ESRRG: variants seen among roughly 807,000 people sequenced by gnomAD.
ESRRG encodes the protein estrogen related receptor gamma.
In ESRRG, 13 loss-of-function variants were observed where a neutral mutation model predicts 44.0. The ratio of observed to expected loss-of-function variants is 0.30; its 90% CI spans 0.19 to 0.47. The LOEUF (loss-of-function observed/expected upper bound fraction) is 0.47, where lower values mean the gene tolerates loss of function less well. Among genes scored for constraint, ESRRG ranks in the 20% least tolerant of loss-of-function variants. The probability of loss-of-function intolerance (pLI) is 1.00; values close to 1 mark genes in which losing one functional copy is unlikely to be tolerated. For missense variants in ESRRG, 395 were observed against 580.6 expected (o/e 0.68, Z 3.29); for synonymous variants, 215 against 214.6 (o/e 1.00, Z -0.02).
At chr1:217,000,741 A>G (rs973557388) in intron 1 of ESRRG, 3 of 152,270 alleles carry the variant, frequency 2.0e-5, no homozygotes, top group Admixed American at 2.0e-4. Context: ...ACCCACAGAA[A>G]AAAGACAAGA....
rs898668611 is a variant in ESRRG, at chr1:217,074,411, A to T, written c.-106+15096T>A. Among the ~76,000 whole-genome samples, 6 of 147,542 alleles carry T rather than the reference A, an allele frequency of 4.1e-5. 1 individual carries two copies. In the East Asian group the frequency reaches 1.2e-3, roughly 31 times the overall value. ...CAATAGAATTACACATAAAATGTGC[A>T]TTTAGCCTCAATACCCACAGTATCA... On this transcript the variant is annotated intron_variant, in intron 1 of 7. Coordinates refer to the ESRRG transcript ENST00000359162.
chr1:216,780,376 T>C (rs945832500), intron 2 of ESRRG, among the ~76,000 whole-genome samples: 8 of 152,042 alleles, frequency 5.3e-5, no homozygotes, highest in Non-Finnish European at 1.2e-4. Flanking sequence ...ACAGAAGTTA[T>C]CAGGATGGAC....
chr1:216,682,978 C>T (rs554259470), intron 1 of ESRRG, among the ~76,000 whole-genome samples: 2 of 152,154 alleles, frequency 1.3e-5, no homozygotes, highest in South Asian at 2.1e-4. Flanking sequence ...AATGGTGATG[C>T]TGAAGAAAGG....
intron 6 of ESRRG, among the ~76,000 whole-genome samples, chr1:216,510,154 A>C (rs778002132): frequency 9.2e-5 from 14 of 152,168 alleles, no homozygotes; most frequent in Non-Finnish European, 1.8e-4. Flanking sequence ...AAAATCTTGG[A>C]TACTGGGCCC....
At position 216,568,097 on chromosome 1, in the gene ESRRG, C is replaced by G; in HGVS notation, c.591G>C (p.Gly197=). 6.2e-6 allele frequency: 10 copies of G among 1,610,178 alleles called. No individual in the cohort carries two copies. Among genetic ancestry groups the G allele is most frequent in the African/African-American group, 1.3e-5 (1 of 74,908 alleles). The change falls in exon 4 of 7, where the codon GGG becomes GGC. Residue 197 remains glycine, a splice_region_variant and synonymous_variant. Coordinates refer to ENST00000408911, the MANE Select transcript of ESRRG (RefSeq NM_001438.4). The part of the protein sequence containing the change: ...KCLKVGMLKE[G]VRLDRVRGGR... ...CTCCACGTACTCTGTCAAGACGCACCCCTGTGAGCAAAGACAGGCACCGGC... is the reference window on the plus strand; with the variant it reads ...CTCCACGTACTCTGTCAAGACGCACGCCTGTGAGCAAAGACAGGCACCGGC...
At chr1:216,927,463 A>T (rs1178392368) in intron 2 of ESRRG, among the ~76,000 whole-genome samples, 2 of 152,120 alleles carry the variant, frequency 1.3e-5, no homozygotes, top group Non-Finnish European at 2.9e-5. Flanking sequence ...ATCCCCAAGG[A>T]TGGATCCAAG....
intron 1 of ESRRG, among the ~76,000 whole-genome samples, chr1:216,715,480 A>C (rs966109278): frequency 4.6e-5 from 7 of 152,266 alleles, no homozygotes; most frequent in Admixed American, 2.6e-4. Flanking sequence ...TCTTTTATTT[A>C]TGTGAAAATG....
At chr1:217,077,819 A>G (rs1330866730) in intron 1 of ESRRG, among the ~76,000 whole-genome samples, 1 of 152,238 alleles carries the variant, frequency 6.6e-6, no homozygotes. Flanking sequence ...TTGTTTCTCA[A>G]GATGGACATG....
At chr1:216,711,690 C>T (rs900766239) in intron 1 of ESRRG, among the ~76,000 whole-genome samples, 8 of 152,140 alleles carry the variant, frequency 5.3e-5, no homozygotes, top group Non-Finnish European at 8.8e-5. Flanking sequence ...ATACTTTATA[C>T]TTGGCAGCTC....
At chr1:216,896,963 G>A (rs1376460192) in intron 2 of ESRRG, among the ~76,000 whole-genome samples, 4 of 152,314 alleles carry the variant, frequency 2.6e-5, no homozygotes, top group South Asian at 4.1e-4. Flanking sequence ...TAGAGACCTA[G>A]AAAGAATTGC....
At chr1:216,836,268 T>C (rs1434253587) in intron 2 of ESRRG, among the ~76,000 whole-genome samples, 1 of 152,096 alleles carries the variant, frequency 6.6e-6, no homozygotes, top group Non-Finnish European at 1.5e-5. Context: ...AAACAAAAAC[T>C]TCCTTCTCCT....
intron 2 of ESRRG, among the ~76,000 whole-genome samples, chr1:216,853,000 T>G (rs2095864971): frequency 6.6e-6 from 1 of 152,204 alleles, no homozygotes; most frequent in Non-Finnish European, 1.5e-5. Flanking sequence ...TAAAAGTGCT[T>G]CTAGCCTGCA....
At chr1:217,117,768 A>C (rs1580619408) in intron 1 of ESRRG, among the ~76,000 whole-genome samples, 1 of 152,244 alleles carries the variant, frequency 6.6e-6, no homozygotes, top group Non-Finnish European at 1.5e-5. Context: ...TGAGGTCCTT[A>C]ATCTTCACTA....
intron 3 of ESRRG, among the ~76,000 whole-genome samples, chr1:216,605,348 G>A (rs912764999): frequency 6.6e-6 from 1 of 151,974 alleles, no homozygotes; most frequent in African/African-American, 2.4e-5. Flanking sequence ...GACATATGGA[G>A]CAGTTTGCAA....
At chr1:216,841,987 C>G (rs1191368151) in intron 2 of ESRRG, among the ~76,000 whole-genome samples, 2 of 151,932 alleles carry the variant, frequency 1.3e-5, no homozygotes, top group Non-Finnish European at 2.9e-5. Context: ...AAGTAACCCT[C>G]TAATATAAAA....
chr1:217,039,609 GCTC>G (rs1558066052), intron 1 of ESRRG, among the ~76,000 whole-genome samples: 1 of 152,126 alleles, frequency 6.6e-6, no homozygotes, highest in Non-Finnish European at 1.5e-5. Context: ...TCTCCCACTA[GCTC>G]CTTCCCATAA....
chr1:216,753,108 A>G (rs2092179861), intron 2 of ESRRG, among the ~76,000 whole-genome samples: 1 of 151,908 alleles, frequency 6.6e-6, no homozygotes, highest in Admixed American at 6.6e-5. Flanking sequence ...TTTGTAACCT[A>G]TAAGCATTAC....
chr1:216,917,980 T>C (rs551430524), intron 2 of ESRRG, among the ~76,000 whole-genome samples: 41 of 152,328 alleles, frequency 2.7e-4, no homozygotes, highest in East Asian at 9.6e-4. Context: ...ATAAGAAATA[T>C]GTAATCCATA....
At chr1:216,914,941 G>T (rs554352829) in intron 2 of ESRRG, among the ~76,000 whole-genome samples, 1 of 152,300 alleles carries the variant, frequency 6.6e-6, no homozygotes, top group South Asian at 2.1e-4. Flanking sequence ...GGAGGGATTT[G>T]TTTTTAAGTA....
Sources: allele counts gnomAD v4.1 joint callset (sites outside exome capture counted in the v4.1 genomes callset), GRCh38; gene constraint gnomAD v4.1.1; transcripts MANE v1.5; gene names NCBI Gene and HGNC (gene_info 2026-07-23, HGNC 2026-07-21).